FGF1: variants seen among roughly 807,000 people sequenced by gnomAD.
FGF1 encodes the protein beta-endothelial cell growth factor.
Under a neutral mutation model 13.4 loss-of-function variants are expected in FGF1, and 9 were observed. The ratio of observed to expected loss-of-function variants is 0.67; its 90% CI spans 0.40 to 1.17. The LOEUF is 1.17. Among genes scored for constraint, FGF1 ranks in the 50% most tolerant of loss-of-function variants. The pLI, the probability that FGF1 is intolerant of heterozygous loss-of-function variation, is 0.01. For missense variants in FGF1, 156 were observed against 192.7 expected (o/e 0.81, Z 1.13); for synonymous variants, 93 against 79.0 (o/e 1.18, Z -0.94).
chr5:142,631,845 G>T (rs753040331), intron 1 of FGF1, among the ~76,000 whole-genome samples: 1 of 139,598 alleles, frequency 7.2e-6, no homozygotes, highest in African/African-American at 2.7e-5. Flanking sequence ...GTGCAGTGGC[G>T]CAATCTCGGC....
At chr5:142,608,539 CATCTATATATATATAT>C (rs1273602535) in intron 2 of FGF1, among the ~76,000 whole-genome samples, 1 of 72,070 alleles carries the variant, frequency 1.4e-5, no homozygotes, top group East Asian at 3.9e-4. Flanking sequence ...TATATATACA[CATCTATATATATATAT>C]ATATATATAT....
In FGF1 at chr5:142,692,384, GA is replaced by G. The variant is rs570241279; in HGVS notation, c.-35+5237del. 3.4e-3 allele frequency among the ~76,000 whole-genome samples: 522 copies of G among 152,188 alleles called. 2 individuals are homozygous for G. The highest frequency in any genetic ancestry group is 0.011 in the African/African-American group (465 of 41,490). ...AACTAAAGCTTTATAGACCCAAGAG[GA>G]ACCATTGAGAGACTTCTCATTCTTT... On this transcript the variant is annotated intron_variant, in intron 2 of 4. Transcript: ENST00000407758.
At chr5:142,657,015 T>C (rs1358269480) in intron 1 of FGF1, among the ~76,000 whole-genome samples, 1 of 152,090 alleles carries the variant, frequency 6.6e-6, no homozygotes, top group Non-Finnish European at 1.5e-5. Context: ...CCTCCCAGGT[T>C]CAAGCGATTC....
intron 1 of FGF1, among the ~76,000 whole-genome samples, chr5:142,619,269 C>G (rs137927289): frequency 1.9e-3 from 291 of 152,216 alleles, no homozygotes; most frequent in African/African-American, 6.7e-3. Context: ...ACTGTGTAAG[C>G]AATGTGGAAT....
intron 1 of FGF1, among the ~76,000 whole-genome samples, chr5:142,629,229 C>T (rs1241731922): frequency 2.6e-5 from 4 of 152,224 alleles, no homozygotes; most frequent in Admixed American, 2.6e-4. Flanking sequence ...GAATACAGCT[C>T]ACTGTAGCCT....
At chr5:142,658,218 A>G (rs143340820) in intron 1 of FGF1, among the ~76,000 whole-genome samples, 82 of 152,328 alleles carry the variant, frequency 5.4e-4, no homozygotes, top group African/African-American at 1.9e-3. Flanking sequence ...GATTCTACCT[A>G]AATATTTCTT....
At chr5:142,615,323 A>C (rs938233853) in intron 1 of FGF1, among the ~76,000 whole-genome samples, 2 of 152,120 alleles carry the variant, frequency 1.3e-5, no homozygotes, top group African/African-American at 4.8e-5. Flanking sequence ...GTCCCAGTTC[A>C]AGCAATTCTC....
At chr5:142,629,820 T>G (rs1763035492) in intron 1 of FGF1, among the ~76,000 whole-genome samples, 3 of 148,730 alleles carry the variant, frequency 2.0e-5, no homozygotes, top group African/African-American at 7.3e-5. Flanking sequence ...ATTTTTGCAT[T>G]AAATTGGATT....
intron 2 of FGF1, among the ~76,000 whole-genome samples, chr5:142,606,214 C>CTGTGTGTGTGTGTGTGTG (rs1283591761): frequency 2.5e-3 from 176 of 71,074 alleles, no homozygotes; most frequent in African/African-American, 8.3e-3. Context: ...CATTCTTTCT[C>CTGTGTGTGTGTGTGTGTG]TCTCTGTGTG....
At chr5:142,693,416 C>G (rs1175839935) in intron 2 of FGF1, among the ~76,000 whole-genome samples, 1 of 152,048 alleles carries the variant, frequency 6.6e-6, no homozygotes, top group Non-Finnish European at 1.5e-5. Flanking sequence ...CTCAGCCTCC[C>G]GAGTAGCTGG....
upstream of FGF1, among the ~76,000 whole-genome samples, chr5:142,688,011 A>G (rs1392427912): frequency 6.6e-6 from 1 of 152,236 alleles, no homozygotes; most frequent in African/African-American, 2.4e-5. Context: ...AGCACCTTGA[A>G]CGCAGGGAAT....
chr5:142,618,948 T>TG (rs1453379227), intron 1 of FGF1, among the ~76,000 whole-genome samples: 8 of 142,134 alleles, frequency 5.6e-5, no homozygotes, highest in Admixed American at 3.5e-4. Context: ...TTTTTTTTTT[T>TG]TTTTGAGACG....
At chr5:142,692,473 G>C (rs1752376840) in intron 2 of FGF1, among the ~76,000 whole-genome samples, 1 of 152,168 alleles carries the variant, frequency 6.6e-6, no homozygotes, top group African/African-American at 2.4e-5. Context: ...ACAGAGAACA[G>C]AGTGATCTCT....
At chr5:142,639,970 G>A (rs901813739) in intron 1 of FGF1, among the ~76,000 whole-genome samples, 2 of 152,004 alleles carry the variant, frequency 1.3e-5, no homozygotes, top group African/African-American at 2.4e-5. Flanking sequence ...TACCTGAAAA[G>A]ATGCATGCTG....
intron 2 of FGF1, among the ~76,000 whole-genome samples, chr5:142,607,511 T>C (rs1757951758): frequency 6.6e-6 from 1 of 152,146 alleles, no homozygotes; most frequent in African/African-American, 2.4e-5. Context: ...TTAATTTAGC[T>C]GAAGAAATGG....
chr5:142,611,135 G>A (rs1758953761), intron 2 of FGF1, among the ~76,000 whole-genome samples: 1 of 152,194 alleles, frequency 6.6e-6, no homozygotes, highest in Non-Finnish European at 1.5e-5. Flanking sequence ...TCCTTGCCAG[G>A]CCGTGTGGAT....
intron 1 of FGF1, among the ~76,000 whole-genome samples, chr5:142,640,523 T>A (rs1765030753): frequency 6.6e-6 from 1 of 151,770 alleles, no homozygotes; most frequent in Admixed American, 6.6e-5. Context: ...TAAGCCTGTC[T>A]TGTGGGCTTG....
intron 1 of FGF1, among the ~76,000 whole-genome samples, chr5:142,619,897 G>GA (rs535223146): frequency 1.5e-4 from 22 of 149,916 alleles, no homozygotes; most frequent in Admixed American, 3.3e-4. Context: ...TCTAGAAAAA[G>GA]AAAAAAAGAA....
At chr5:142,648,689 C>CAAAAAAAAAA (rs11451715) in intron 1 of FGF1, among the ~76,000 whole-genome samples, 41 of 66,214 alleles carry the variant, frequency 6.2e-4, no homozygotes, top group East Asian at 1.1e-3. Flanking sequence ...CCCCACCAAC[C>CAAAAAAAAAA]AAAAAAAAAA....
Sources: allele counts gnomAD v4.1 joint callset (sites outside exome capture counted in the v4.1 genomes callset), GRCh38; gene constraint gnomAD v4.1.1; transcripts MANE v1.5; gene names NCBI Gene and HGNC (gene_info 2026-07-23, HGNC 2026-07-21).